NEBL: variants seen among roughly 807,000 people sequenced by gnomAD.
NEBL encodes the protein LIM and SH3 protein 2.
A neutral mutation model predicts 140.2 loss-of-function variants in NEBL; 122 were observed. The ratio of observed to expected loss-of-function variants is 0.87; its 90% CI spans 0.75 to 1.01. NEBL has a LOEUF of 1.01. NEBL is among the 50% of genes least tolerant of loss of function. The pLI is 0.00. For synonymous variants in NEBL, 436 were observed against 398.9 expected, an observed-to-expected ratio of 1.09 and a Z score of -1.11; for missense variants, 1,365 against 1,231.3, an observed-to-expected ratio of 1.11 and a Z score of -1.62.
chr10:21,288,757 C>T (rs1371497621), intron 1 of NEBL, among the ~76,000 whole-genome samples: 20 of 54,922 alleles, frequency 3.6e-4, no homozygotes, highest in African/African-American at 7.0e-4. Context: ...GAGACTCCAT[C>T]GCCAAAAAAA....
chr10:20,881,847 A>T (rs1263415828), intron 4 of NEBL, among the ~76,000 whole-genome samples: 2 of 152,236 alleles, frequency 1.3e-5, no homozygotes, highest in Non-Finnish European at 2.9e-5. Flanking sequence ...TTTAAAATAT[A>T]CTAAAAGCTT....
intron 2 of NEBL, among the ~76,000 whole-genome samples, chr10:21,040,856 C>T (rs1834238310): frequency 6.6e-6 from 1 of 152,084 alleles, no homozygotes; most frequent in African/African-American, 2.4e-5. Flanking sequence ...GTGTGTAGCA[C>T]CTTCCCCTTA....
At position 20,780,569 on chromosome 10, in the gene NEBL, G is replaced by C. The variant is rs898729986; in HGVS notation, c.*5178C>G. ...AAATCTCAGACCCGGGGTATTATTA[G>C]GGTGCATTGCTTGCATCTAACAACC... On this transcript the variant is annotated 3_prime_UTR_variant, in exon 28 of 28. Coordinates refer to ENST00000377122, the MANE Select transcript of NEBL (RefSeq NM_006393.3). 6.6e-6 allele frequency: 1 copy of C among 152,166 alleles called. No individual in the cohort carries two copies. Among genetic ancestry groups the C allele is most frequent in the Non-Finnish European group, 1.5e-5 (1 of 68,024 alleles). The allele number at this position is 152,166 out of a possible 1,614,324, so 9.4% of individuals were successfully genotyped here.
intron 1 of NEBL, among the ~76,000 whole-genome samples, chr10:21,269,479 C>G (rs1176882169): frequency 1.3e-5 from 2 of 152,194 alleles, no homozygotes; most frequent in African/African-American, 2.4e-5. Context: ...TCTTCGCACT[C>G]TAAAGACTGA....
Position 21,173,867 on chromosome 10 carries a change from C to A in NEBL, c.-34G>T. On this transcript the variant is annotated 5_prime_UTR_variant, in exon 1 of 7. Transcript: ENST00000417816. This position sits in a 1 kb window ranked among gnomAD's most constrained non-coding sequence, Gnocchi z 5.7. ...TTCCCGGGGGCGGCGGCGGCGGCGGCTGCTGGCTCCCAGGAGCCGCTGTGA... is the reference window on the plus strand; with the variant it reads ...TTCCCGGGGGCGGCGGCGGCGGCGGATGCTGGCTCCCAGGAGCCGCTGTGA... 6.2e-7 allele frequency: 1 copy of A among 1,604,888 alleles called. No homozygotes were observed.
chr10:21,219,268 TATAAGTGAGGGC>T (rs1325453940), intron 3 of NEBL, among the ~76,000 whole-genome samples: 1 of 152,234 alleles, frequency 6.6e-6, no homozygotes, highest in Non-Finnish European at 1.5e-5. Flanking sequence ...ATGTATTTTT[TATAAGTGAGGGC>T]TATATAAATT....
At chr10:21,048,893 G>A (rs1324226895) in intron 2 of NEBL, among the ~76,000 whole-genome samples, 5 of 152,020 alleles carry the variant, frequency 3.3e-5, no homozygotes, top group South Asian at 2.1e-4. Context: ...CCTGTAATCC[G>A]AGGTACTCAG....
At chr10:21,026,274 C>T (rs892506716) in intron 2 of NEBL, among the ~76,000 whole-genome samples, 29 of 152,162 alleles carry the variant, frequency 1.9e-4, no homozygotes, top group Non-Finnish European at 3.8e-4. Context: ...GGGGAAAATA[C>T]TACTGACATC....
intron 5 of NEBL, among the ~76,000 whole-genome samples, chr10:20,876,456 G>A (rs1326327918): frequency 6.6e-6 from 1 of 152,062 alleles, no homozygotes; most frequent in East Asian, 1.9e-4. Context: ...GAACCACAGA[G>A]AGCCATAATT....
At chr10:21,040,879 T>G (rs1047620205) in intron 2 of NEBL, among the ~76,000 whole-genome samples, 7 of 152,262 alleles carry the variant, frequency 4.6e-5, no homozygotes, top group African/African-American at 1.7e-4. Flanking sequence ...CCTCTTCCTC[T>G]TCCTCCAGCT....
At chr10:21,009,760 C>A (rs1440093250) in intron 3 of NEBL, among the ~76,000 whole-genome samples, 2 of 152,120 alleles carry the variant, frequency 1.3e-5, no homozygotes, top group African/African-American at 4.8e-5. Context: ...TTTTGCAAGG[C>A]CCCCAGAGAA....
chr10:21,173,977 C>A lies in NEBL; in HGVS notation c.-144G>T. ...GCCGGGTAGGGAGTCGGCGCCGGGCCACGGGTGAGTGCACGGGGAGGGCGA... is the reference window on the plus strand; with the variant it reads ...GCCGGGTAGGGAGTCGGCGCCGGGCAACGGGTGAGTGCACGGGGAGGGCGA... On this transcript the variant is annotated 5_prime_UTR_variant, in exon 1 of 7. Coordinates refer to the NEBL transcript ENST00000417816. This position sits in a 1 kb window ranked among gnomAD's most constrained non-coding sequence, Gnocchi z 5.7. The A allele has an allele frequency of 2.2e-6, 3 of 1,343,232 alleles. No homozygotes were observed. The highest frequency in any genetic ancestry group is 3.5e-5 in the South Asian group (2 of 57,572). 83.2% of individuals were successfully genotyped at this position (1,343,232 alleles called of 1,614,324 possible).
chr10:21,041,077 T>A (rs1190358790), intron 2 of NEBL, among the ~76,000 whole-genome samples: 2 of 152,176 alleles, frequency 1.3e-5, no homozygotes, highest in Non-Finnish European at 2.9e-5. Flanking sequence ...TTATTTTAGG[T>A]TCAAGGGCTC....
chr10:20,912,223 T>C (rs1269791752), intron 4 of NEBL, among the ~76,000 whole-genome samples: 1 of 152,228 alleles, frequency 6.6e-6, no homozygotes, highest in Non-Finnish European at 1.5e-5. Flanking sequence ...TGTATTACCA[T>C]GTCTCAGAGG....
chr10:21,010,284 G>T (rs150472307), intron 3 of NEBL, among the ~76,000 whole-genome samples: 2,541 of 152,126 alleles, frequency 0.017, 81 homozygotes, highest in African/African-American at 0.059. Flanking sequence ...TAGCTCTGTC[G>T]ACCAGGCTGG....
chr10:20,955,168 A>G (rs1835731794), intron 4 of NEBL, among the ~76,000 whole-genome samples: 1 of 152,164 alleles, frequency 6.6e-6, no homozygotes. Flanking sequence ...GAGAAATGCA[A>G]AGTATAAAGC....
At chr10:21,001,077 C>A (rs575550243) in intron 3 of NEBL, among the ~76,000 whole-genome samples, 4 of 152,122 alleles carry the variant, frequency 2.6e-5, no homozygotes, top group Admixed American at 2.6e-4. Context: ...TGTATAGATC[C>A]TCCCTTCTCC....
intron 3 of NEBL, among the ~76,000 whole-genome samples, chr10:21,223,875 AT>A (rs1463165989): frequency 6.6e-6 from 1 of 152,096 alleles, no homozygotes; most frequent in Non-Finnish European, 1.5e-5. Flanking sequence ...CTCATTTTTA[AT>A]TGAATTATTA....
At chr10:21,252,782 C>A (rs998128375) in intron 1 of NEBL, among the ~76,000 whole-genome samples, 7 of 152,074 alleles carry the variant, frequency 4.6e-5, no homozygotes, top group East Asian at 1.9e-4. Context: ...ATAGAGAAAC[C>A]CTGTCTCTAC....
Sources: gnomAD v4.1 joint callset for allele counts (sites outside exome capture counted in the v4.1 genomes callset) on GRCh38, gnomAD v4.1.1 for gene constraint, Gnocchi (gnomAD v3.1) non-coding constraint, MANE v1.5 for transcripts, NCBI Gene and HGNC (gene_info 2026-07-23, HGNC 2026-07-21) for gene names.